CALN1: variants seen among roughly 807,000 people sequenced by gnomAD.
The protein encoded by CALN1 is calneuron 1, also known as calcium-binding protein 8.
A neutral mutation model predicts 30.6 loss-of-function variants in CALN1; 17 were observed. The observed-to-expected ratio is 0.56, with a 90% CI of 0.38 to 0.83. CALN1 has a LOEUF of 0.83. Ranked by LOEUF, CALN1 falls within the 40% of genes least tolerant of loss-of-function variation. CALN1 has a pLI of 0.00. For missense variants in CALN1, 291 were observed against 354.9 expected, an observed-to-expected ratio of 0.82 and a Z score of 1.45; for synonymous variants, 156 against 131.4, an observed-to-expected ratio of 1.19 and a Z score of -1.28.
chr7:72,295,694 G>A (rs1202126533), intron 2 of CALN1, among the ~76,000 whole-genome samples: 1 of 148,994 alleles, frequency 6.7e-6, no homozygotes, highest in East Asian at 1.9e-4. Context: ...GAATGCTTGT[G>A]ATTTTTGTAC....
At chr7:72,344,986 A>G (rs537035874) in intron 2 of CALN1, among the ~76,000 whole-genome samples, 77 of 147,116 alleles carry the variant, frequency 5.2e-4, no homozygotes, top group African/African-American at 1.8e-3. Context: ...AATATTTATA[A>G]AAATAATGAT....
At chr7:72,410,057 T>C (rs1228148495) in intron 1 of CALN1, among the ~76,000 whole-genome samples, 2 of 152,072 alleles carry the variant, frequency 1.3e-5, no homozygotes, top group Non-Finnish European at 2.9e-5. Context: ...AGATATCTTT[T>C]GGACAAAATG....
intron 3 of CALN1, among the ~76,000 whole-genome samples, chr7:72,146,312 T>C (rs1585035989): frequency 2.0e-5 from 3 of 152,266 alleles, no homozygotes; most frequent in East Asian, 3.9e-4. Flanking sequence ...ATCACAAGCA[T>C]GCTTATACAC....
At chr7:72,486,540 T>C in the CALN1 span, among the ~76,000 whole-genome samples, 1 of 151,974 alleles carries the variant, frequency 6.6e-6, no homozygotes, top group Non-Finnish European at 1.5e-5. Context: ...CCTGGCTAAT[T>C]TTTTATATTT....
chr7:71,859,124 A>G (rs973772498), intron 5 of CALN1, among the ~76,000 whole-genome samples: 13 of 152,030 alleles, frequency 8.6e-5, no homozygotes, highest in Non-Finnish European at 1.8e-4. Context: ...GTGCAGCGGC[A>G]TGATCTCGGC....
chr7:72,315,385 C>T (rs996406394), intron 2 of CALN1, among the ~76,000 whole-genome samples: 3 of 152,078 alleles, frequency 2.0e-5, no homozygotes, highest in Admixed American at 6.6e-5. Context: ...GAAAACAAAA[C>T]GTATGTGCTC....
chr7:72,164,376 A>C (rs1433162255), intron 3 of CALN1, among the ~76,000 whole-genome samples: 1 of 151,660 alleles, frequency 6.6e-6, no homozygotes. Context: ...AAAGAAGAAG[A>C]AGAAGACAGA....
intron 3 of CALN1, among the ~76,000 whole-genome samples, chr7:72,127,178 G>C (rs1584997794): frequency 6.6e-6 from 1 of 151,992 alleles, no homozygotes; most frequent in African/African-American, 2.4e-5. Flanking sequence ...GCAAAGACTT[G>C]AGGTAAGGGT....
chr7:72,380,096 T>C (rs931398384), intron 2 of CALN1, among the ~76,000 whole-genome samples: 1 of 152,206 alleles, frequency 6.6e-6, no homozygotes, highest in African/African-American at 2.4e-5. Flanking sequence ...ATAGTGCACA[T>C]TGTTTTTTAT....
chr7:72,077,482 C>A (rs1392584969), intron 4 of CALN1, among the ~76,000 whole-genome samples: 1 of 152,170 alleles, frequency 6.6e-6, no homozygotes, highest in Non-Finnish European at 1.5e-5. Context: ...CCATGTTAGC[C>A]AGGCTGGTCT....
chr7:72,181,052 CA>C (rs1422442660), intron 3 of CALN1, among the ~76,000 whole-genome samples: 1 of 147,508 alleles, frequency 6.8e-6, no homozygotes, highest in Admixed American at 6.9e-5. Context: ...GAGCCACGAT[CA>C]CGCCACTGCA....
At position 72,442,052 on chromosome 7, in the gene CALN1, C is replaced by T. The variant is rs115318355; in HGVS notation, c.-226+4990G>A. Among the ~76,000 whole-genome samples the T allele has an allele frequency of 6.7e-3, 1,024 of 152,248 alleles. 9 individuals carry two copies. The highest frequency in any genetic ancestry group is 0.024 in the African/African-American group (981 of 41,538). On this transcript the variant is annotated intron_variant, in intron 1 of 6. Coordinates refer to the CALN1 transcript ENST00000395276. ...CCAAGGAAGCTTGAGTCATCCTCGACTCATCTCACACAACTCACCAACCCA... is the reference window on the plus strand; with the variant it reads ...CCAAGGAAGCTTGAGTCATCCTCGATTCATCTCACACAACTCACCAACCCA...
intron 5 of CALN1, among the ~76,000 whole-genome samples, chr7:71,921,940 T>C (rs554075518): frequency 6.6e-6 from 1 of 151,982 alleles, no homozygotes; most frequent in African/African-American, 2.4e-5. Context: ...GGTAACAACC[T>C]TTGGTTCCCA....
the CALN1 span, among the ~76,000 whole-genome samples, chr7:72,481,098 G>C: frequency 6.6e-6 from 1 of 152,078 alleles, no homozygotes; most frequent in East Asian, 1.9e-4. Context: ...AATTACAGGC[G>C]CAGGCCACCA....
At chr7:72,062,540 T>A (rs6978119) in intron 4 of CALN1, among the ~76,000 whole-genome samples, 106,555 of 142,176 alleles carry the variant, frequency 0.75, 39,416 homozygotes, top group East Asian at 1. Context: ...AGAAAAAAAA[T>A]AAATAAATAA....
chr7:72,126,191 C>T (rs1808752909), intron 3 of CALN1, among the ~76,000 whole-genome samples: 2 of 152,096 alleles, frequency 1.3e-5, no homozygotes, highest in African/African-American at 2.4e-5. Flanking sequence ...TCCTGAGTTG[C>T]TTCACTTAGA....
intron 3 of CALN1, among the ~76,000 whole-genome samples, chr7:72,176,875 C>T (rs1475756728): frequency 1.3e-5 from 2 of 152,098 alleles, no homozygotes; most frequent in Admixed American, 6.5e-5. Context: ...TCTGTTGGCC[C>T]AAGAACACTT....
the CALN1 span, among the ~76,000 whole-genome samples, chr7:72,479,146 C>G: frequency 6.6e-5 from 10 of 152,140 alleles, no homozygotes; most frequent in African/African-American, 2.2e-4. Flanking sequence ...TCCCAAAGTG[C>G]TGAGATTACA....
Position 72,215,392 on chromosome 7 carries a change from G to A in CALN1, c.244+63294C>T, listed in dbSNP as rs182385003. The stretch of plus-strand genomic sequence containing the variant: ...GCAGATCACCTGAGGTCAGGAGTTC[G>A]AGACCAGCCTGGTCAACATGGTGAA... On this transcript the variant is annotated intron_variant, in intron 3 of 6. Coordinates refer to ENST00000395275, the MANE Select transcript of CALN1 (RefSeq NM_031468.4). 6.2e-4 allele frequency among the ~76,000 whole-genome samples: 95 copies of A among 152,144 alleles called. 1 individual carries two copies. The highest frequency in any genetic ancestry group is 5.3e-3 in the Admixed American group (81 of 15,264).
Sources: gnomAD v4.1 joint callset for allele counts (sites outside exome capture counted in the v4.1 genomes callset) on GRCh38, gnomAD v4.1.1 for gene constraint, MANE v1.5 for transcripts, NCBI Gene and HGNC (gene_info 2026-07-23, HGNC 2026-07-21) for gene names.